The following COL17A1 variants were observed in gnomAD, a reference collection of about 807,000 sequenced individuals.
COL17A1 encodes the protein collagen type XVII alpha 1 chain.
Under a neutral mutation model 218.4 loss-of-function variants are expected in COL17A1, and 181 were observed. The observed-to-expected ratio is 0.83, with a 90% CI of 0.73 to 0.94. The LOEUF (loss-of-function observed/expected upper bound fraction) is 0.94. COL17A1 is among the 40% of genes least tolerant of loss of function. The pLI is 0.00. For missense variants in COL17A1, 1,924 were observed against 1,945.9 expected, an observed-to-expected ratio of 0.99 and a Z score of 0.21; for synonymous variants, 721 against 731.0, an observed-to-expected ratio of 0.99 and a Z score of 0.22.
chr10:104,036,696 G>A, intron 47 of COL17A1, 64 bp from the exon 48 acceptor site: 1 of 1,586,540 alleles, frequency 6.3e-7, no homozygotes, highest in Non-Finnish European at 8.6e-7. Context: ...CCATGATCCA[G>A]CCACAGCCTG....
At position 104,045,773 on chromosome 10, in the gene COL17A1, G is replaced by T. The variant is rs1277370326; in HGVS notation, c.2383C>A (p.Arg795=). The change falls in exon 33 of 56, where the codon CGA becomes AGA. Residue 795 remains arginine, a synonymous_variant. Coordinates refer to ENST00000648076, the MANE Select transcript of COL17A1 (RefSeq NM_000494.4). ...GPQGLPGTPG[R]PGIKGEPGAP... ...ATTCACTTACCTTTTATTCCTGGTC[G>T]GCCAGGGGTACCGGGAAGTCCTGAT... 6.2e-7 allele frequency: 1 copy of T among 1,612,566 alleles called. No individual in the cohort carries two copies. The highest frequency in any genetic ancestry group is 8.5e-7 in the Non-Finnish European group (1 of 1,178,520).
At position 104,049,819 on chromosome 10, in the gene COL17A1, T is replaced by C. The variant is rs182509238; in HGVS notation, c.2164+270A>G. ...TCTGCTGCTTCGGGAAGAGCTTAAT[T>C]TTCTCAACTGTATTCCCCAAAAGAA... On this transcript the variant is annotated intron_variant, in intron 28 of 55. Transcript: ENST00000648076. Among the ~76,000 whole-genome samples, 3 of 152,318 alleles carry C rather than the reference T, an allele frequency of 2.0e-5. No individual in the cohort carries two copies. In the East Asian group the frequency reaches 5.8e-4, roughly 29 times the overall value.
chr10:104,066,775 G>C (rs805711), intron 9 of COL17A1, among the ~76,000 whole-genome samples: 1 of 152,166 alleles, frequency 6.6e-6, no homozygotes, highest in East Asian at 1.9e-4. Flanking sequence ...AACTTGAGGA[G>C]AGAATTAGAA....
At chr10:104,032,826 G>A in intron 54 of COL17A1, 72 bp from the exon 55 acceptor site, 1 of 1,602,028 alleles carries the variant, frequency 6.2e-7, no homozygotes, top group Non-Finnish European at 8.6e-7. Context: ...AGCCGGTGTG[G>A]CACCAGCACA....
At chr10:104,052,051 G>A (rs1589565877) in intron 24 of COL17A1, 104 bp downstream of exon 24, 14 of 1,500,130 alleles carry the variant, frequency 9.3e-6, no homozygotes, top group African/African-American at 2.8e-5. Context: ...CCTGGGGCAG[G>A]GGGTTAGGGC....
chr10:104,033,822 C>T, intron 52 of COL17A1, 123 bp downstream of exon 52: 1 of 1,465,818 alleles, frequency 6.8e-7, no homozygotes, highest in Admixed American at 1.7e-5. Context: ...TGCCTGTCCC[C>T]TCCAGCCCCT....
intron 22 of COL17A1, among the ~76,000 whole-genome samples, chr10:104,053,497 T>C (rs976567318): frequency 1.3e-5 from 2 of 152,080 alleles, no homozygotes; most frequent in Non-Finnish European, 2.9e-5. Flanking sequence ...AAAATTGCCC[T>C]GGGGCCTGAG....
At chr10:104,055,121 G>A (rs1037947438) in intron 19 of COL17A1, 114 bp from the exon 20 acceptor site, 27 of 1,554,312 alleles carry the variant, frequency 1.7e-5, no homozygotes, top group Middle Eastern at 3.3e-4. Flanking sequence ...AAGGTGAGGC[G>A]ACATGCGGCG....
At chr10:104,036,091 T>TGTGAGTATGG (rs2086290566) in intron 48 of COL17A1, among the ~76,000 whole-genome samples, 4 of 3,460 alleles carry the variant, frequency 1.2e-3, no homozygotes, top group Admixed American at 4.7e-3. Context: ...TGTATGGGAG[T>TGTGAGTATGG]GTGTGTGTAT....
chr10:104,065,473 A>T (rs888207681), intron 9 of COL17A1, among the ~76,000 whole-genome samples: 6 of 152,200 alleles, frequency 3.9e-5, no homozygotes, highest in Non-Finnish European at 8.8e-5. Flanking sequence ...TGACTGGGAC[A>T]TGTTGGTTTT....
At chr10:104,066,843 A>G (rs1589573685) in intron 9 of COL17A1, among the ~76,000 whole-genome samples, 1 of 152,248 alleles carries the variant, frequency 6.6e-6, no homozygotes, top group Non-Finnish European at 1.5e-5. Context: ...GATGTCTAAT[A>G]TGTACCCTCT....
intron 9 of COL17A1, among the ~76,000 whole-genome samples, chr10:104,065,400 C>A (rs934603036): frequency 1.3e-5 from 2 of 152,208 alleles, no homozygotes; most frequent in East Asian, 3.8e-4. Context: ...CTGCCTTCCA[C>A]AGAACCTATC....
At chr10:104,079,921 C>T (rs1032376837) in intron 2 of COL17A1, among the ~76,000 whole-genome samples, 10 of 79,882 alleles carry the variant, frequency 1.3e-4, no homozygotes, top group South Asian at 1.2e-3. Context: ...AGCAAGACTC[C>T]GTCTCAAAAA....
At chr10:104,044,517 C>CT (rs1452816471) in intron 33 of COL17A1, among the ~76,000 whole-genome samples, 2 of 152,122 alleles carry the variant, frequency 1.3e-5, no homozygotes, top group Admixed American at 1.3e-4. Context: ...TTAGGGGCCC[C>CT]TTTTTTCATT....
Position 104,077,483 on chromosome 10 carries a change from A to G in COL17A1, c.141T>C (p.Gly47=). 6.2e-7 allele frequency: 1 copy of G among 1,613,322 alleles called. No individual in the cohort carries two copies. The highest frequency in any genetic ancestry group is 8.5e-7 in the Non-Finnish European group (1 of 1,179,818). Reference sequence around the variant, plus strand: ...TTTGTTTCTCCAGCCGGCTCCCTCCACCAAGAGAGGCTGTTTTAGCATAGC... The same window carrying G: ...TTTGTTTCTCCAGCCGGCTCCCTCCGCCAAGAGAGGCTGTTTTAGCATAGC... ...SNGYAKTASL[G]GGSRLEKQSL... Residue 47 remains glycine (G), a synonymous_variant, in exon 4 of 56, where the codon GGT becomes GGC. Transcript: ENST00000648076.
intron 45 of COL17A1, 21 bp downstream of exon 45, chr10:104,038,385 T>C: frequency 1.9e-6 from 3 of 1,613,460 alleles, no homozygotes; most frequent in Non-Finnish European, 2.5e-6. Context: ...TCCCCACGGC[T>C]TGCGGCGGCC....
chr10:104,061,800 G>T (rs1409447460), intron 12 of COL17A1, among the ~76,000 whole-genome samples: 2 of 152,160 alleles, frequency 1.3e-5, no homozygotes. Context: ...GTTGTCTCAT[G>T]TGTGTTAGAC....
At chr10:104,047,308 G>C (rs553544469) in intron 31 of COL17A1, among the ~76,000 whole-genome samples, 2 of 152,204 alleles carry the variant, frequency 1.3e-5, no homozygotes, top group South Asian at 4.2e-4. Context: ...GGGTGTTGGT[G>C]AGGGCCCAGT....
chr10:104,073,868 T>G, intron 6 of COL17A1: 2 of 362,198 alleles, frequency 5.5e-6, no homozygotes, highest in Admixed American at 7.7e-5. Context: ...CCTCTGTGCA[T>G]CTCATGGAAA....
Sources: gnomAD v4.1 joint callset for allele counts (sites outside exome capture counted in the v4.1 genomes callset) on GRCh38, gnomAD v4.1.1 for gene constraint, MANE v1.5 for transcripts, NCBI Gene and HGNC (gene_info 2026-07-23, HGNC 2026-07-21) for gene names.